Variants in NPAS3 observed in about 807,000 individuals in gnomAD.
NPAS3 encodes neuronal PAS domain-containing protein 3.
A neutral mutation model predicts 73.1 loss-of-function variants in NPAS3; 14 were observed. The ratio of observed to expected loss-of-function variants is 0.19; its 90% CI spans 0.13 to 0.30. The LOEUF is 0.30. NPAS3 is among the 10% of genes least tolerant of loss of function. The probability of loss-of-function intolerance (pLI) is 1.00; values close to 1 mark genes in which losing one functional copy is unlikely to be tolerated. For synonymous variants in NPAS3, 620 were observed against 541.5 expected (o/e 1.14, Z -2.01); for missense variants, 1,096 against 1,250.0 (o/e 0.88, Z 1.86).
At chr14:33,777,423 T>C (rs2062853692) in intron 8 of NPAS3, among the ~76,000 whole-genome samples, 1 of 143,152 alleles carries the variant, frequency 7.0e-6, no homozygotes, top group Non-Finnish European at 1.6e-5. Flanking sequence ...ATTATGTTTC[T>C]TTTTTTGTTT....
At chr14:33,313,914 T>A (rs2043105259) in intron 3 of NPAS3, among the ~76,000 whole-genome samples, 1 of 152,108 alleles carries the variant, frequency 6.6e-6, no homozygotes, top group South Asian at 2.1e-4. Flanking sequence ...ACCTTTCAAA[T>A]GTTATGCATA....
At chr14:33,209,989 A>G (rs1466352875) in intron 2 of NPAS3, among the ~76,000 whole-genome samples, 1 of 152,202 alleles carries the variant, frequency 6.6e-6, no homozygotes, top group Non-Finnish European at 1.5e-5. Flanking sequence ...AAATATGACT[A>G]TGAAGAAATC....
Position 33,800,879 on chromosome 14 carries a change from A to T in NPAS3, c.2572A>T (p.Ser858Cys). 2 of 1,606,346 alleles carry T rather than the reference A, an allele frequency of 1.2e-6. No individual in the cohort carries two copies. The highest frequency in any genetic ancestry group is 1.7e-6 in the Non-Finnish European group (2 of 1,176,944). ...CGCTGTTAACTTCGTGGACGTTAACAGCCCCGGCTTTGGCCTCGACCCCAA... is the reference window on the plus strand; with the variant it reads ...CGCTGTTAACTTCGTGGACGTTAACTGCCCCGGCTTTGGCCTCGACCCCAA... Residue 858 changes from serine (S) to cysteine (C), a missense_variant, in exon 12 of 12, where the codon AGC becomes TGC. Transcript: ENST00000356141. The surrounding 1 kb of genome is among the most constrained non-coding windows in gnomAD (Gnocchi z 6.5).
At chr14:33,587,473 T>C (rs1461309378) in intron 5 of NPAS3, among the ~76,000 whole-genome samples, 1 of 152,212 alleles carries the variant, frequency 6.6e-6, no homozygotes, top group African/African-American at 2.4e-5. Context: ...TGCTCTTCAG[T>C]TGCTTCATCT....
intron 5 of NPAS3, among the ~76,000 whole-genome samples, chr14:33,564,178 A>G (rs1349835215): frequency 1.3e-5 from 2 of 152,176 alleles, no homozygotes; most frequent in African/African-American, 4.8e-5. Context: ...GAGGCTCATA[A>G]AAAGACCATT....
chr14:33,722,448 G>A (rs1288554540), intron 6 of NPAS3, among the ~76,000 whole-genome samples: 1 of 152,160 alleles, frequency 6.6e-6, no homozygotes, highest in Non-Finnish European at 1.5e-5. Flanking sequence ...CACTTGGGAA[G>A]ATTATTCATA....
At chr14:33,351,357 C>A (rs2045043153) in intron 3 of NPAS3, among the ~76,000 whole-genome samples, 1 of 152,084 alleles carries the variant, frequency 6.6e-6, no homozygotes, top group Non-Finnish European at 1.5e-5. Context: ...ATGCTGCAGT[C>A]TGTTTGGTTT....
At chr14:33,242,747 A>G (rs2048250815) in intron 3 of NPAS3, among the ~76,000 whole-genome samples, 1 of 152,162 alleles carries the variant, frequency 6.6e-6, no homozygotes, top group African/African-American at 2.4e-5. Flanking sequence ...TTTCTTGATT[A>G]GACCCAAATG....
chr14:33,081,100 G>A (rs2041849990), intron 2 of NPAS3, among the ~76,000 whole-genome samples: 2 of 152,158 alleles, frequency 1.3e-5, no homozygotes, highest in South Asian at 4.1e-4. Context: ...AAGCCTTGCT[G>A]TATAGTATTT....
At chr14:33,057,861 G>A (rs140407117) in intron 2 of NPAS3, among the ~76,000 whole-genome samples, 1 of 152,298 alleles carries the variant, frequency 6.6e-6, no homozygotes, top group Non-Finnish European at 1.5e-5. Flanking sequence ...GTGTATTTTA[G>A]TGAAGATGCT....
chr14:32,994,786 C>A (rs543029152), intron 1 of NPAS3, among the ~76,000 whole-genome samples: 1 of 152,036 alleles, frequency 6.6e-6, no homozygotes, highest in South Asian at 2.1e-4. Flanking sequence ...CATGTGCCAC[C>A]ATACTCAGCT....
intron 4 of NPAS3, among the ~76,000 whole-genome samples, chr14:33,524,871 G>A (rs2053725318): frequency 6.6e-6 from 1 of 152,110 alleles, no homozygotes; most frequent in Non-Finnish European, 1.5e-5. Context: ...TTCACCGTGT[G>A]TGTCCAAATG....
At chr14:33,527,196 A>G (rs1045065901) in intron 4 of NPAS3, among the ~76,000 whole-genome samples, 7 of 152,104 alleles carry the variant, frequency 4.6e-5, no homozygotes, top group African/African-American at 1.7e-4. Context: ...CTTCCCTAGT[A>G]GCTGGGACAA....
chr14:33,250,102 A>T (rs1047242878), intron 3 of NPAS3, among the ~76,000 whole-genome samples: 1 of 152,156 alleles, frequency 6.6e-6, no homozygotes, highest in Admixed American at 6.6e-5. Context: ...TTGCAGTTAC[A>T]TCGGGGTAGG....
intron 6 of NPAS3, among the ~76,000 whole-genome samples, chr14:33,692,518 C>T (rs952794844): frequency 1.4e-4 from 22 of 151,984 alleles, no homozygotes; most frequent in African/African-American, 4.8e-4. Flanking sequence ...GCAAAGGGCA[C>T]TATAAAAGTA....
At chr14:33,320,143 C>T (rs1014907495) in intron 3 of NPAS3, among the ~76,000 whole-genome samples, 1 of 152,042 alleles carries the variant, frequency 6.6e-6, no homozygotes, top group Non-Finnish European at 1.5e-5. Context: ...AAGGGAATGG[C>T]ATGAACATCA....
intron 5 of NPAS3, among the ~76,000 whole-genome samples, chr14:33,616,418 G>C (rs956731389): frequency 6.6e-6 from 1 of 152,136 alleles, no homozygotes; most frequent in East Asian, 1.9e-4. Context: ...ACCCTGTGTC[G>C]CTCTATGGAA....
chr14:33,191,448 C>CA lies in NPAS3; in HGVS notation c.141-23732dup, dbSNP rs1265878418. Among the ~76,000 whole-genome samples, 5 of 152,106 alleles carry CA rather than the reference C, an allele frequency of 3.3e-5. No homozygotes were observed. The East Asian group carries it at 9.7e-4, about 29-fold the overall frequency. On this transcript the variant is annotated intron_variant, in intron 2 of 11. Transcript: ENST00000356141. ...ATAATTAGGTGACAGTATAGGATGG[C>CA]AATAAAGATAGAAGGTCTAAATTCT...
intron 2 of NPAS3, among the ~76,000 whole-genome samples, chr14:33,068,255 T>C (rs967367804): frequency 6.6e-5 from 10 of 152,246 alleles, no homozygotes; most frequent in Non-Finnish European, 1.0e-4. Context: ...AACTTACCAG[T>C]GTAGCTCCAT....
Sources: gnomAD v4.1 joint callset for allele counts (sites outside exome capture counted in the v4.1 genomes callset) on GRCh38, gnomAD v4.1.1 for gene constraint, Gnocchi (gnomAD v3.1) non-coding constraint, MANE v1.5 for transcripts, NCBI Gene and HGNC (gene_info 2026-07-23, HGNC 2026-07-21) for gene names.